The following CAMTA1 variants were observed in gnomAD, a reference collection of about 807,000 sequenced individuals.
CAMTA1 encodes the protein calmodulin binding transcription activator 1.
CAMTA1 carries 27 observed loss-of-function variants against 170.9 expected under a neutral mutation model. The observed-to-expected ratio is 0.16, with a 90% CI of 0.12 to 0.22. The LOEUF is 0.22. Ranked by LOEUF, CAMTA1 falls within the 10% of genes least tolerant of loss-of-function variation. The pLI is 1.00. For synonymous variants in CAMTA1, 833 were observed against 891.5 expected, an observed-to-expected ratio of 0.93 and a Z score of 1.17; for missense variants, 1,619 against 2,217.2, an observed-to-expected ratio of 0.73 and a Z score of 5.42.
chr1:6,789,804 C>CTTTTTTTTTTTTTTTT (rs34542033), intron 1 of CAMTA1, among the ~76,000 whole-genome samples: 5 of 85,662 alleles, frequency 5.8e-5, no homozygotes, highest in East Asian at 4.2e-4. Flanking sequence ...TTTAGTGTAT[C>CTTTTTTTTTTTTTTTT]TTTTTTTTTT....
At chr1:7,108,407 G>T (rs532778980) in intron 4 of CAMTA1, among the ~76,000 whole-genome samples, 4 of 152,208 alleles carry the variant, frequency 2.6e-5, no homozygotes, top group Non-Finnish European at 5.9e-5. Context: ...CCAGGAATCT[G>T]TTCCAAACCG....
intron 7 of CAMTA1, among the ~76,000 whole-genome samples, chr1:7,648,609 G>A (rs574137049): frequency 6.6e-5 from 10 of 152,286 alleles, no homozygotes; most frequent in African/African-American, 2.4e-4. Flanking sequence ...AGGAGCAAAT[G>A]GCTGAATGTC....
rs1011594121 is a variant in CAMTA1, at chr1:7,456,561, A to C, written c.439-11269A>C. Among the ~76,000 whole-genome samples the C allele has an allele frequency of 6.6e-6, 1 of 152,248 alleles. No homozygotes were observed. Among genetic ancestry groups the C allele is most frequent in the Admixed American group, 6.5e-5 (1 of 15,290 alleles). On this transcript the variant is annotated intron_variant, in intron 5 of 22. Transcript: ENST00000303635. The surrounding 1 kb of genome is among the most constrained non-coding windows in gnomAD (Gnocchi z 4.9). ...TAACTGAGCAAGAATATACACGTAC[A>C]CTGAGCAGAGCTCCTGCTGATGACA...
chr1:7,230,151 G>A (rs976129600), intron 4 of CAMTA1, among the ~76,000 whole-genome samples: 1 of 152,072 alleles, frequency 6.6e-6, no homozygotes, highest in African/African-American at 2.4e-5. Context: ...GCCTGGCCTG[G>A]CTCCTGGCCC....
chr1:7,164,434 A>C (rs1443424947), intron 4 of CAMTA1, among the ~76,000 whole-genome samples: 1 of 152,206 alleles, frequency 6.6e-6, no homozygotes. Flanking sequence ...TAGGGGTTTG[A>C]TGGGCAGGTG....
chr1:7,319,417 G>C (rs1002677220), intron 5 of CAMTA1, among the ~76,000 whole-genome samples: 1 of 151,990 alleles, frequency 6.6e-6, no homozygotes, highest in South Asian at 2.1e-4. Flanking sequence ...TCTCCACCCC[G>C]CTTCCTCCTG....
intron 6 of CAMTA1, among the ~76,000 whole-genome samples, chr1:7,490,760 G>T (rs2093691604): frequency 6.6e-6 from 1 of 152,194 alleles, no homozygotes; most frequent in Non-Finnish European, 1.5e-5. Context: ...GTGCTAGAAG[G>T]TGCTGCTGCC....
At chr1:7,078,744 T>C (rs1255438602) in intron 3 of CAMTA1, among the ~76,000 whole-genome samples, 1 of 152,210 alleles carries the variant, frequency 6.6e-6, no homozygotes, top group Non-Finnish European at 1.5e-5. Flanking sequence ...AGTAGGACTG[T>C]GGTTGCTAAG....
At chr1:7,521,343 C>T (rs1397091304) in intron 6 of CAMTA1, among the ~76,000 whole-genome samples, 1 of 152,196 alleles carries the variant, frequency 6.6e-6, no homozygotes, top group African/African-American at 2.4e-5. Context: ...CTCCCAAGTA[C>T]TCCTTACCCA....
intron 6 of CAMTA1, among the ~76,000 whole-genome samples, chr1:7,514,768 C>T (rs1230522271): frequency 6.6e-6 from 1 of 152,182 alleles, no homozygotes; most frequent in Non-Finnish European, 1.5e-5. Flanking sequence ...CTGGTGCAGA[C>T]ATCCACCTGG....
rs948370119 is a variant in CAMTA1, at chr1:6,970,449, A to C, written c.235-120855A>C. Among the ~76,000 whole-genome samples the C allele has an allele frequency of 1.3e-5, 2 of 152,154 alleles. No individual in the cohort carries two copies. The highest frequency in any genetic ancestry group is 2.4e-5 in the African/African-American group (1 of 41,428). ...AGCAGAAGGAGTGGAGGCCGGTCCC[A>C]GACCAGCATCGGTGAGGAGGTAATG... On this transcript the variant is annotated intron_variant, in intron 3 of 22. Transcript: ENST00000303635. The surrounding 1 kb of genome is among the most constrained non-coding windows in gnomAD (Gnocchi z 4.4).
chr1:6,795,551 A>G (rs1642282008), intron 1 of CAMTA1, among the ~76,000 whole-genome samples: 2 of 152,178 alleles, frequency 1.3e-5, no homozygotes, highest in African/African-American at 2.4e-5. Flanking sequence ...AGAAGTTATG[A>G]TAGTTTGTGC....
intron 4 of CAMTA1, among the ~76,000 whole-genome samples, chr1:7,236,153 G>A (rs1224034812): frequency 6.6e-6 from 1 of 152,190 alleles, no homozygotes; most frequent in African/African-American, 2.4e-5. Context: ...GTCAGAGGAA[G>A]TCTCCAGGTT....
intron 4 of CAMTA1, among the ~76,000 whole-genome samples, chr1:7,107,278 ATGTGTG>A (rs148905936): frequency 1.4e-5 from 2 of 142,332 alleles, no homozygotes; most frequent in Non-Finnish European, 3.0e-5. Context: ...GTGTGTGTGC[ATGTGTG>A]TGTGTGTGTG....
In CAMTA1 at chr1:7,474,966, A is replaced by G. The variant is rs116807679; in HGVS notation, c.510+7065A>G. ...TGGAAGGGACTGCAGGCCAAGTGGG[A>G]CACCCTGAAGAGTATGGCCGCGCTC... On this transcript the variant is annotated intron_variant, in intron 6 of 22. Coordinates refer to ENST00000303635, the MANE Select transcript of CAMTA1 (RefSeq NM_015215.4). Among the ~76,000 whole-genome samples the G allele has an allele frequency of 2.6e-3, 394 of 152,256 alleles. 1 individual carries two copies. The highest frequency in any genetic ancestry group is 9.1e-3 in the African/African-American group (380 of 41,538).
intron 1 of CAMTA1, among the ~76,000 whole-genome samples, chr1:6,793,031 A>G (rs34394051): frequency 0.17 from 25,839 of 151,814 alleles, 2,277 homozygotes; most frequent in East Asian, 0.29. Flanking sequence ...TATCTTATAT[A>G]TATATACCCC....
chr1:7,523,876 C>CT (rs2094398033), intron 6 of CAMTA1, among the ~76,000 whole-genome samples: 1 of 136,898 alleles, frequency 7.3e-6, no homozygotes, highest in African/African-American at 2.8e-5. Context: ...GAGTGAGACT[C>CT]TATCTCGAAA....
intron 3 of CAMTA1, among the ~76,000 whole-genome samples, chr1:6,843,784 AC>A (rs902390596): frequency 1.3e-5 from 2 of 152,110 alleles, no homozygotes; most frequent in Admixed American, 6.5e-5. Flanking sequence ...CCGGCCCCAA[AC>A]TTTTTTATAA....
chr1:7,563,646 C>T (rs2094993016), intron 6 of CAMTA1, among the ~76,000 whole-genome samples: 1 of 152,220 alleles, frequency 6.6e-6, no homozygotes, highest in Admixed American at 6.5e-5. Context: ...TGCTCACGGC[C>T]TTGTGATCTG....
Sources: gnomAD v4.1 joint callset for allele counts (sites outside exome capture counted in the v4.1 genomes callset) on GRCh38, gnomAD v4.1.1 for gene constraint, Gnocchi (gnomAD v3.1) non-coding constraint, MANE v1.5 for transcripts, NCBI Gene and HGNC (gene_info 2026-07-23, HGNC 2026-07-21) for gene names.